DMRT1: variants seen among roughly 807,000 people sequenced by gnomAD.
The protein encoded by DMRT1 is doublesex- and mab-3-related transcription factor 1.
DMRT1 carries 7 observed loss-of-function variants against 32.3 expected under a neutral mutation model. That is an observed-to-expected ratio of 0.22 (90% CI 0.12 to 0.41). The LOEUF (loss-of-function observed/expected upper bound fraction) is 0.41, where lower values mean the gene tolerates loss of function less well. Ranked by LOEUF, DMRT1 falls within the 10% of genes least tolerant of loss-of-function variation. The probability of loss-of-function intolerance (pLI) is 1.00; values close to 1 mark genes in which losing one functional copy is unlikely to be tolerated. For synonymous variants in DMRT1, 278 were observed against 206.1 expected (o/e 1.35, Z -2.99); for missense variants, 625 against 500.5 (o/e 1.25, Z -2.37).
intron 4 of DMRT1, among the ~76,000 whole-genome samples, chr9:933,934 C>T (rs1261670404): frequency 2.0e-5 from 3 of 151,752 alleles, no homozygotes; most frequent in African/African-American, 4.8e-5. Context: ...CCTATCCTGT[C>T]GGGTTGAGGA....
chr9:965,046 G>A lies in DMRT1; in HGVS notation c.968-2939G>A, dbSNP rs891095630. ...TAATTGGTATGAAATAATTTACAAC[G>A]GTCAACTATTAGCCTTCTCCTTCCA... On this transcript the variant is annotated intron_variant, in intron 4 of 4. Coordinates refer to ENST00000382276, the MANE Select transcript of DMRT1 (RefSeq NM_021951.3). This position sits in a 1 kb window ranked among gnomAD's most constrained non-coding sequence, Gnocchi z 4.5. Among the ~76,000 whole-genome samples, 2 of 152,102 alleles carry A rather than the reference G, an allele frequency of 1.3e-5. No homozygotes were observed. The highest frequency in any genetic ancestry group is 2.9e-5 in the Non-Finnish European group (2 of 68,028).
At chr9:886,927 G>T (rs1816953760) in intron 2 of DMRT1, among the ~76,000 whole-genome samples, 1 of 152,176 alleles carries the variant, frequency 6.6e-6, no homozygotes, top group Admixed American at 6.5e-5. Flanking sequence ...CAAGGAATCG[G>T]ATATTCCTTC....
At chr9:870,065 C>G (rs1398200461) in intron 2 of DMRT1, among the ~76,000 whole-genome samples, 1 of 152,132 alleles carries the variant, frequency 6.6e-6, no homozygotes, top group Non-Finnish European at 1.5e-5. Flanking sequence ...TAGAAGTTGA[C>G]CTTTTGGGGG....
chr9:868,234 C>T (rs1274132617), intron 2 of DMRT1, among the ~76,000 whole-genome samples: 1 of 152,194 alleles, frequency 6.6e-6, no homozygotes, highest in African/African-American at 2.4e-5. Context: ...CTGTTTCTGC[C>T]TCCCAGAGTG....
At chr9:933,778 T>C (rs1203588169) in intron 4 of DMRT1, among the ~76,000 whole-genome samples, 1 of 152,222 alleles carries the variant, frequency 6.6e-6, no homozygotes, top group East Asian at 1.9e-4. Flanking sequence ...TCCATCATCA[T>C]AGGAAGTTGT....
At chr9:930,680 T>A (rs1324039046) in intron 4 of DMRT1, among the ~76,000 whole-genome samples, 1 of 152,118 alleles carries the variant, frequency 6.6e-6, no homozygotes, top group African/African-American at 2.4e-5. Flanking sequence ...AGTGCTGGGA[T>A]TACAGACATG....
chr9:938,143 A>C (rs1297292358), intron 4 of DMRT1, among the ~76,000 whole-genome samples: 2 of 152,188 alleles, frequency 1.3e-5, no homozygotes, highest in Non-Finnish European at 2.9e-5. Context: ...GTCAAAAATC[A>C]GTTGACCGTA....
At chr9:918,783 C>T (rs77081619) in intron 4 of DMRT1, among the ~76,000 whole-genome samples, 8 of 152,232 alleles carry the variant, frequency 5.3e-5, no homozygotes, top group African/African-American at 9.6e-5. Context: ...TGTACAAATA[C>T]GTAGAAAATC....
intron 2 of DMRT1, among the ~76,000 whole-genome samples, chr9:874,780 T>TAAC (rs537817062): frequency 6.8e-6 from 1 of 146,950 alleles, no homozygotes; most frequent in African/African-American, 2.5e-5. Context: ...TTAAAAACAA[T>TAAC]AACAACAACA....
intron 4 of DMRT1, among the ~76,000 whole-genome samples, chr9:948,376 A>G (rs1338586602): frequency 1.3e-5 from 2 of 152,142 alleles, no homozygotes; most frequent in African/African-American, 2.4e-5. Flanking sequence ...CCACAGGGAC[A>G]TGAACTACTG....
At chr9:902,778 CAT>C (rs1817638822) in intron 3 of DMRT1, among the ~76,000 whole-genome samples, 2 of 152,196 alleles carry the variant, frequency 1.3e-5, no homozygotes, top group South Asian at 4.2e-4. Context: ...TGTGAGCCAC[CAT>C]GCCCAGCTTT....
chr9:916,919 G>A lies in DMRT1; in HGVS notation c.967+12G>A, dbSNP rs370478672. The A allele has an allele frequency of 3.1e-5, 50 of 1,613,996 alleles. No individual in the cohort carries two copies. The highest frequency in any genetic ancestry group is 3.9e-5 in the Non-Finnish European group (46 of 1,179,998). On this transcript the variant is annotated intron_variant, in intron 4 of 4. Coordinates refer to ENST00000382276, the MANE Select transcript of DMRT1 (RefSeq NM_021951.3). The stretch of plus-strand genomic sequence containing the variant: ...AGCCAGGGCGAGCGGTAGGTGTCTG[G>A]TCACACAGACTGGATTTGGGGTTGA...
At chr9:884,768 G>A (rs1386220644) in intron 2 of DMRT1, among the ~76,000 whole-genome samples, 1 of 152,092 alleles carries the variant, frequency 6.6e-6, no homozygotes, top group African/African-American at 2.4e-5. Context: ...TCAGGAGTTC[G>A]AGACCAGCCT....
chr9:883,133 C>T (rs62531239), intron 2 of DMRT1, among the ~76,000 whole-genome samples: 1 of 151,830 alleles, frequency 6.6e-6, no homozygotes, highest in Admixed American at 6.6e-5. Flanking sequence ...GCCATCTGTC[C>T]CACATTGACG....
At chr9:922,782 AT>A (rs1818397022) in intron 4 of DMRT1, among the ~76,000 whole-genome samples, 2 of 152,152 alleles carry the variant, frequency 1.3e-5, no homozygotes, top group Admixed American at 1.3e-4. Context: ...AGAAAGAAAC[AT>A]TTAAGGTGGT....
At chr9:857,828 C>T (rs531959984) in intron 2 of DMRT1, among the ~76,000 whole-genome samples, 3 of 141,040 alleles carry the variant, frequency 2.1e-5, no homozygotes, top group African/African-American at 5.3e-5. Context: ...TTCCTGTGTC[C>T]ATGTGTTCTC....
intron 4 of DMRT1, among the ~76,000 whole-genome samples, chr9:933,831 A>G (rs374485301): frequency 2.0e-5 from 3 of 152,182 alleles, no homozygotes; most frequent in African/African-American, 7.2e-5. Flanking sequence ...AGGAAAGGAC[A>G]TTGCAGGGTT....
chr9:861,139 T>A (rs1815644836), intron 2 of DMRT1, among the ~76,000 whole-genome samples: 1 of 148,594 alleles, frequency 6.7e-6, no homozygotes, highest in African/African-American at 2.5e-5. Flanking sequence ...AGGACAATAG[T>A]GGAGGGAAGG....
intron 2 of DMRT1, among the ~76,000 whole-genome samples, chr9:854,660 A>T (rs1299650393): frequency 2.0e-5 from 3 of 151,978 alleles, no homozygotes; most frequent in African/African-American, 7.2e-5. Context: ...TTTCAATTAA[A>T]GCTAGAATAG....
Sources: gnomAD v4.1 joint callset for allele counts (sites outside exome capture counted in the v4.1 genomes callset) on GRCh38, gnomAD v4.1.1 for gene constraint, Gnocchi (gnomAD v3.1) non-coding constraint, MANE v1.5 for transcripts, NCBI Gene and HGNC (gene_info 2026-07-23, HGNC 2026-07-21) for gene names.